Variants in SBNO2 observed in about 807,000 individuals in gnomAD.
The protein encoded by SBNO2 is strawberry notch homolog 2.
SBNO2 carries 89 observed loss-of-function variants against 146.3 expected under a neutral mutation model. The observed-to-expected ratio is 0.61, with a 90% confidence interval of 0.51 to 0.73. The LOEUF (loss-of-function observed/expected upper bound fraction) is 0.73. Among genes scored for constraint, SBNO2 ranks in the 30% least tolerant of loss-of-function variants. The pLI is 0.00. For synonymous variants in SBNO2, 1,147 were observed against 892.6 expected, an observed-to-expected ratio of 1.29 and a Z score of -5.08; for missense variants, 2,092 against 2,003.7, an observed-to-expected ratio of 1.04 and a Z score of -0.84.
At chr19:1,170,162 C>A (rs915598078) in intron 1 of SBNO2, among the ~76,000 whole-genome samples, 1 of 152,218 alleles carries the variant, frequency 6.6e-6, no homozygotes, top group African/African-American at 2.4e-5. Flanking sequence ...CGCCTCCTCA[C>A]GGGGCCCAGG....
rs943206616 is a variant in SBNO2 at position 1,158,710 on chromosome 19, A to G, written c.-126-4308T>C. On this transcript the variant is annotated intron_variant, in intron 1 of 31. Transcript: ENST00000361757. This position sits in a 1 kb window ranked among gnomAD's most constrained non-coding sequence, Gnocchi z 9.9. ...CAGTCCCTGGAGGCCGCATTACCTC[A>G]GCCGAGGTTCTCCGGGCAGGCACAA... Among the ~76,000 whole-genome samples, 2 of 152,154 alleles carry G rather than the reference A, an allele frequency of 1.3e-5. No individual in the cohort carries two copies. Among genetic ancestry groups the G allele is most frequent in the African/African-American group, 4.8e-5 (2 of 41,432 alleles).
intron 5 of SBNO2, among the ~76,000 whole-genome samples, chr19:1,127,362 C>T (rs1369258264): frequency 2.6e-5 from 4 of 152,224 alleles, no homozygotes; most frequent in African/African-American, 9.6e-5. Context: ...AACTCCATGC[C>T]AGGAGCACCG....
rs151325647 is a variant in SBNO2, at chr19:1,165,094, C to T, written c.-127+9078G>A. Among the ~76,000 whole-genome samples, 288 of 152,188 alleles carry T rather than the reference C, an allele frequency of 1.9e-3. 1 individual carries two copies. The highest frequency in any genetic ancestry group is 6.8e-3 in the African/African-American group (281 of 41,500). On this transcript the variant is annotated intron_variant, in intron 1 of 31. Transcript: ENST00000361757. ...GCGTCCAGCCCGAGCCAGGGTCACA[C>T]GCCCAACAGGTAGGATCCAGCAACC...
Position 1,117,513 on chromosome 19 carries a change from T to C in SBNO2, c.1528-14A>G, listed in dbSNP as rs749833691. On this transcript the variant is annotated splice_polypyrimidine_tract_variant and intron_variant, in intron 14 of 31. Coordinates refer to ENST00000361757, the MANE Select transcript of SBNO2 (RefSeq NM_014963.3). Reference sequence around the variant, plus strand: ...GGCCTCGGCCCACTGCAATGACACGTCACAAGGCGCCCCTGAGCTGTGGCT... The same window carrying C: ...GGCCTCGGCCCACTGCAATGACACGCCACAAGGCGCCCCTGAGCTGTGGCT... The C allele has an allele frequency of 3.8e-6, 6 of 1,564,362 alleles. No individual in the cohort carries two copies. Among genetic ancestry groups the C allele is most frequent in the African/African-American group, 2.7e-5 (2 of 73,304 alleles).
chr19:1,124,165 C>T, intron 5 of SBNO2, 143 bp from the exon 6 acceptor site: 4 of 773,414 alleles, frequency 5.2e-6, no homozygotes, highest in South Asian at 4.6e-5. Flanking sequence ...CTGGGTCTTG[C>T]TCTCCTGCTG....
chr19:1,111,648 A>G (rs2079761812), intron 23 of SBNO2, 34 bp from the exon 24 acceptor site: 1 of 1,503,654 alleles, frequency 6.7e-7, no homozygotes, highest in South Asian at 1.2e-5. Context: ...GAGGAGGCCC[A>G]GGGAGGAGGC....
rs1312131945 is a variant in SBNO2, at chr19:1,109,262, G to A, written c.3348+30C>T. 4 of 1,581,294 alleles carry A rather than the reference G, an allele frequency of 2.5e-6. No individual in the cohort carries two copies. The highest frequency in any genetic ancestry group is 2.3e-5 in the East Asian group (1 of 43,236). ...TGGGCGGGGTCAGGGCCGGCAACCC[G>A]AGCGAAAGCTGCGCCCGGCGGCCGC... On this transcript the variant is annotated intron_variant, in intron 29 of 31. Transcript: ENST00000361757. This position sits in a 1 kb window ranked among gnomAD's most constrained non-coding sequence, Gnocchi z 4.2.
chr19:1,149,495 G>A, intron 2 of SBNO2, 53 bp from the exon 3 acceptor site: 1 of 1,485,644 alleles, frequency 6.7e-7, no homozygotes, highest in South Asian at 1.2e-5. Flanking sequence ...CTGCGGTGCA[G>A]CCCGGCTAAG....
rs574387802 is a variant in SBNO2 at position 1,150,337 on chromosome 19, C to T, written c.94-895G>A. ...GGGTCAGCACCTGCGGCTTCGGGGG[C>T]AGGGCTGTGGACACCTCGTGCCCTG... On this transcript the variant is annotated intron_variant, in intron 2 of 31. Transcript: ENST00000361757. The surrounding 1 kb of genome is among the most constrained non-coding windows in gnomAD (Gnocchi z 6.2). Among the ~76,000 whole-genome samples, 1 of 152,262 alleles carries T rather than the reference C, an allele frequency of 6.6e-6. No individual in the cohort carries two copies. The highest frequency in any genetic ancestry group is 2.1e-4 in the South Asian group (1 of 4,828).
chr19:1,132,719 G>A (rs2080045067), intron 4 of SBNO2, among the ~76,000 whole-genome samples: 1 of 152,124 alleles, frequency 6.6e-6, no homozygotes. Context: ...AGAAGCCCCT[G>A]CCGCCGAAGC....
At chr19:1,115,444 T>A (rs2079819408) in intron 17 of SBNO2, 3 of 152,506 alleles carry the variant, frequency 2.0e-5, no homozygotes, top group Admixed American at 2.0e-4. Context: ...TCTCACCATG[T>A]TGGCCAGGCT....
rs367896224 is a variant in SBNO2, at chr19:1,127,688, G to C, written c.357C>G (p.Asp119Glu). 6.2e-7 allele frequency: 1 copy of C among 1,613,588 alleles called. No homozygotes were observed. The highest frequency in any genetic ancestry group is 8.5e-7 in the Non-Finnish European group (1 of 1,179,832). The change falls in exon 5 of 32, where the codon GAC (aspartate) becomes GAG (glutamate). Residue 119 changes from aspartate (D) to glutamate (E), a missense_variant. Coordinates refer to ENST00000361757, the MANE Select transcript of SBNO2 (RefSeq NM_014963.3). ...SSVDSLSDIVDTPDFLPADSL... is the reference protein window; with the variant it reads ...SSVDSLSDIVETPDFLPADSL... ...TGTCAGCCGGCAGGAAGTCGGGCGT[G>C]TCCACGATGTCCGACAGGGAGTCCA...
chr19:1,160,612 C>T (rs893160083), intron 1 of SBNO2, among the ~76,000 whole-genome samples: 4 of 152,082 alleles, frequency 2.6e-5, no homozygotes, highest in Admixed American at 2.6e-4. Context: ...TCACTGCAGC[C>T]TTCGCCTCCT....
rs371142042 is a variant in SBNO2 at position 1,119,893 on chromosome 19, C to G, written c.1267+13G>C. 1.3e-6 allele frequency: 2 copies of G among 1,535,726 alleles called. No individual in the cohort carries two copies. The highest frequency in any genetic ancestry group is 1.8e-6 in the Non-Finnish European group (2 of 1,139,294). On this transcript the variant is annotated intron_variant, in intron 12 of 31. Transcript: ENST00000361757. Reference sequence around the variant, plus strand: ...TGCTGCGGGTGGGTCACGTGGGATCCGCACCGCCCCACCTGTGGCGCTGGC... The same window carrying G: ...TGCTGCGGGTGGGTCACGTGGGATCGGCACCGCCCCACCTGTGGCGCTGGC...
intron 17 of SBNO2, 52 bp downstream of exon 17, chr19:1,115,969 G>A: frequency 6.9e-7 from 1 of 1,451,346 alleles, no homozygotes; most frequent in South Asian, 1.2e-5. Context: ...AGCCCCCGGG[G>A]GGAGAAAGCA....
In SBNO2 at chr19:1,144,797, G is replaced by C. The variant is rs987332993; in HGVS notation, c.279+2512C>G. On this transcript the variant is annotated intron_variant, in intron 4 of 31. Coordinates refer to ENST00000361757, the MANE Select transcript of SBNO2 (RefSeq NM_014963.3). The surrounding 1 kb of genome is among the most constrained non-coding windows in gnomAD (Gnocchi z 4.1). ...AGAGACAAAGAGACAGAGACAGAGAGGGAGACAGAGAGACAGAGACAGAGA... is the reference window on the plus strand; with the variant it reads ...AGAGACAAAGAGACAGAGACAGAGACGGAGACAGAGAGACAGAGACAGAGA... Among the ~76,000 whole-genome samples, 5 of 151,200 alleles carry C rather than the reference G, an allele frequency of 3.3e-5. No homozygotes were observed. Among genetic ancestry groups the C allele is most frequent in the African/African-American group, 1.2e-4 (5 of 41,046 alleles).
chr19:1,110,222 G>A lies in SBNO2; in HGVS notation c.3029-445C>T, dbSNP rs1307581742. On this transcript the variant is annotated intron_variant, in intron 26 of 31. Transcript: ENST00000361757. The surrounding 1 kb of genome is among the most constrained non-coding windows in gnomAD (Gnocchi z 4.9). ...CACTGCTCATGAGTGAAGTAGCCAT[G>A]GCCCGGACCCGACCCTCATCTGGAC... is the stretch of plus-strand genomic sequence containing the variant. 6.6e-6 allele frequency among the ~76,000 whole-genome samples: 1 copy of A among 152,114 alleles called. No homozygotes were observed. Among genetic ancestry groups the A allele is most frequent in the African/African-American group, 2.4e-5 (1 of 41,396 alleles).
At position 1,140,978 on chromosome 19, in the gene SBNO2, C is replaced by T. The variant is rs751961535; in HGVS notation, c.279+6331G>A. ...AGGAGACAACCCCAGACAAAACCAACGGAGAGGCACTCTGGAGAAGACACA... is the reference window on the plus strand; with the variant it reads ...AGGAGACAACCCCAGACAAAACCAATGGAGAGGCACTCTGGAGAAGACACA... On this transcript the variant is annotated intron_variant, in intron 4 of 31. Coordinates refer to ENST00000361757, the MANE Select transcript of SBNO2 (RefSeq NM_014963.3). This position sits in a 1 kb window ranked among gnomAD's most constrained non-coding sequence, Gnocchi z 4.4. 3.3e-5 allele frequency among the ~76,000 whole-genome samples: 5 copies of T among 149,804 alleles called. No homozygotes were observed. Among genetic ancestry groups the T allele is most frequent in the African/African-American group, 4.9e-5 (2 of 40,502 alleles).
chr19:1,116,296 T>G (rs2079831299), intron 16 of SBNO2, among the ~76,000 whole-genome samples, 193 bp from the exon 17 acceptor site: 1 of 151,496 alleles, frequency 6.6e-6, no homozygotes. Flanking sequence ...GGCCTCCTGG[T>G]GTCACAGGGC....
Sources: gnomAD v4.1 joint callset for allele counts (sites outside exome capture counted in the v4.1 genomes callset) on GRCh38, gnomAD v4.1.1 for gene constraint, Gnocchi (gnomAD v3.1) non-coding constraint, MANE v1.5 for transcripts, NCBI Gene and HGNC (gene_info 2026-07-23, HGNC 2026-07-21) for gene names.